Variants in GAB3 observed in about 807,000 individuals in gnomAD.
The protein encoded by GAB3 is GRB2-associated-binding protein 3.
Under a neutral mutation model 40.4 loss-of-function variants are expected in GAB3, and 12 were observed. The ratio of observed to expected loss-of-function variants is 0.30; its 90% CI spans 0.19 to 0.48. The LOEUF (loss-of-function observed/expected upper bound fraction) is 0.48, where lower values mean the gene tolerates loss of function less well. GAB3 is among the 20% of genes least tolerant of loss of function. GAB3 has a pLI of 0.99. For synonymous variants in GAB3, 154 were observed against 176.7 expected, an observed-to-expected ratio of 0.87 and a Z score of 1.02; for missense variants, 381 against 461.9, an observed-to-expected ratio of 0.82 and a Z score of 1.61.
intron 1 of GAB3, among the ~76,000 whole-genome samples, chrX:154,732,331 A>G (rs1199743045): frequency 8.9e-6 from 1 of 111,894 alleles, no homozygotes; most frequent in Non-Finnish European, 1.9e-5. Context: ...AAAACCTTGT[A>G]TCTGGTGTTA....
chrX:154,729,650 T>C (rs781796656), intron 1 of GAB3, among the ~76,000 whole-genome samples: 1 of 112,069 alleles, frequency 8.9e-6, no homozygotes, highest in South Asian at 3.7e-4. Flanking sequence ...ATAATACTAT[T>C]GTGTAACATG....
At chrX:154,750,622 C>G (rs933177191) in intron 1 of GAB3, among the ~76,000 whole-genome samples, 1 of 112,352 alleles carries the variant, frequency 8.9e-6, no homozygotes, top group Non-Finnish European at 1.9e-5. Context: ...GAAAGGGGCA[C>G]GCTTTCGAGA....
intron 8 of GAB3, among the ~76,000 whole-genome samples, chrX:154,693,945 T>C (rs1297586080): frequency 9.0e-6 from 1 of 111,506 alleles, no homozygotes; most frequent in Admixed American, 9.6e-5. Context: ...AAGAAGGATA[T>C]ATGGCAAAAC....
chrX:154,728,192 T>C (rs2071240680), intron 1 of GAB3, among the ~76,000 whole-genome samples: 1 of 112,169 alleles, frequency 8.9e-6, no homozygotes, highest in Admixed American at 9.4e-5. Context: ...GCAACCTGCC[T>C]TCAGAGCCAG....
intron 1 of GAB3, 150 bp from the exon 2 acceptor site, chrX:154,716,479 C>T (rs2071048436): frequency 3.8e-6 from 2 of 522,379 alleles, no homozygotes; most frequent in Non-Finnish European, 3.1e-6. Context: ...GGACTAGTGC[C>T]CATCTTCAAG....
At chrX:154,721,404 C>T (rs1208140482) in intron 1 of GAB3, among the ~76,000 whole-genome samples, 1 of 112,327 alleles carries the variant, frequency 8.9e-6, no homozygotes, top group Non-Finnish European at 1.9e-5. Flanking sequence ...CTGTGTCACC[C>T]CATAGCAGAA....
chrX:154,704,267 G>A (rs1478492470), intron 4 of GAB3, among the ~76,000 whole-genome samples: 1 of 109,778 alleles, frequency 9.1e-6, no homozygotes, highest in East Asian at 2.8e-4. Flanking sequence ...CCAGGGTGGG[G>A]GGCTGTGGGG....
intron 1 of GAB3, among the ~76,000 whole-genome samples, chrX:154,724,990 G>C (rs891515714): frequency 5.4e-5 from 6 of 111,215 alleles, no homozygotes; most frequent in Non-Finnish European, 9.4e-5. Flanking sequence ...TTAAAGTGGG[G>C]TCATAATCAA....
chrX:154,693,269 T>C (rs1430560988), intron 8 of GAB3, among the ~76,000 whole-genome samples: 2 of 111,907 alleles, frequency 1.8e-5, no homozygotes, highest in Admixed American at 9.5e-5. Flanking sequence ...AGAGCTTTAC[T>C]ACAAGAAAAA....
At chrX:154,737,191 T>C (rs2071376094) in intron 1 of GAB3, among the ~76,000 whole-genome samples, 2 of 111,710 alleles carry the variant, frequency 1.8e-5, no homozygotes, top group African/African-American at 3.3e-5. Context: ...AATTCAGCTT[T>C]TTCAGTGATG....
intron 4 of GAB3, among the ~76,000 whole-genome samples, chrX:154,705,394 C>T (rs782195638): frequency 2.2e-4 from 24 of 111,537 alleles, no homozygotes; most frequent in Admixed American, 1.3e-3. Flanking sequence ...TCAAACAATA[C>T]ATCATAAAGA....
intron 1 of GAB3, among the ~76,000 whole-genome samples, chrX:154,742,639 A>C (rs1446483559): frequency 9.0e-6 from 1 of 111,616 alleles, no homozygotes; most frequent in African/African-American, 3.3e-5. Flanking sequence ...GAAAGATCTC[A>C]TATCAATGGC....
At chrX:154,741,157 C>A in intron 1 of GAB3, among the ~76,000 whole-genome samples, 1 of 112,009 alleles carries the variant, frequency 8.9e-6, no homozygotes, top group African/African-American at 3.2e-5. Context: ...TGCACAAGTT[C>A]TTTCTCTTGT....
chrX:154,676,493 G>A lies in GAB3; in HGVS notation c.*1685C>T, dbSNP rs1414136208. ...GAGTGGGGAGCCCTCTCCTTGCTCT[G>A]TCCAGGCTCACTAAGGACCCTGAAC... On this transcript the variant is annotated 3_prime_UTR_variant, in exon 10 of 10. Coordinates refer to ENST00000424127, the MANE Select transcript of GAB3 (RefSeq NM_001081573.3). 9.0e-6 allele frequency: 1 copy of A among 111,377 alleles called. No homozygotes were observed. Among genetic ancestry groups the A allele is most frequent in the Non-Finnish European group, 1.9e-5 (1 of 53,084 alleles). The allele number at this position is 111,377 out of a possible 1,213,427, so 9.2% of individuals were successfully genotyped here.
chrX:154,689,653 A>G (rs1557248816), intron 8 of GAB3, among the ~76,000 whole-genome samples: 1 of 111,063 alleles, frequency 9.0e-6, no homozygotes, highest in African/African-American at 3.3e-5. Context: ...TCATGAGTGA[A>G]CTCCCATTCA....
At chrX:154,702,228 T>G (rs1314210864) in intron 4 of GAB3, among the ~76,000 whole-genome samples, 1 of 112,123 alleles carries the variant, frequency 8.9e-6, no homozygotes, top group African/African-American at 3.2e-5. Flanking sequence ...TGAACTCATT[T>G]TTGACAAAGG....
chrX:154,714,555 T>C (rs1271232678), intron 2 of GAB3, among the ~76,000 whole-genome samples: 2 of 111,885 alleles, frequency 1.8e-5, no homozygotes, highest in Non-Finnish European at 3.8e-5. Flanking sequence ...TATGTGGTTC[T>C]AAAAACTGAG....
Position 154,689,999 on chromosome X carries a change from C to G in GAB3, c.1530+5918G>C, listed in dbSNP as rs181029372. Reference sequence around the variant, plus strand: ...AAAGAACAAAGCTGGAGGCATCACACTACCTGACTTCAAACTGTACTACAA... The same window carrying G: ...AAAGAACAAAGCTGGAGGCATCACAGTACCTGACTTCAAACTGTACTACAA... On this transcript the variant is annotated intron_variant, in intron 8 of 9. Coordinates refer to ENST00000424127, the MANE Select transcript of GAB3 (RefSeq NM_001081573.3). 6.9e-3 allele frequency among the ~76,000 whole-genome samples: 764 copies of G among 110,993 alleles called. 7 individuals are homozygous for G. The highest frequency in any genetic ancestry group is 0.023 in the African/African-American group (718 of 30,652).
chrX:154,687,262 A>T (rs1273673209), intron 8 of GAB3, among the ~76,000 whole-genome samples: 1 of 111,325 alleles, frequency 9.0e-6, no homozygotes, highest in East Asian at 2.8e-4. Context: ...TACTGTGCTC[A>T]GTAATTGGAA....
Sources: allele counts gnomAD v4.1 joint callset (sites outside exome capture counted in the v4.1 genomes callset), GRCh38; gene constraint gnomAD v4.1.1; transcripts MANE v1.5; gene names NCBI Gene and HGNC (gene_info 2026-07-23, HGNC 2026-07-21).